The following EPS8 variants were observed in gnomAD, a reference collection of about 807,000 sequenced individuals.
The protein encoded by EPS8 is epidermal growth factor receptor kinase substrate 8.
Under a neutral mutation model 103.8 loss-of-function variants are expected in EPS8, and 42 were observed. That is an observed-to-expected ratio of 0.40 (90% CI 0.32 to 0.52). The LOEUF (loss-of-function observed/expected upper bound fraction) is 0.52, where lower values mean the gene tolerates loss of function less well. EPS8 is among the 20% of genes least tolerant of loss of function. EPS8 has a pLI of 0.40. For missense variants in EPS8, 969 were observed against 1,005.1 expected (o/e 0.96, Z 0.49); for synonymous variants, 344 against 344.6 (o/e 1.00, Z 0.02).
Position 15,714,332 on chromosome 12 carries a change from A to T in EPS8, c.-21-31360T>A, listed in dbSNP as rs981340214. Among the ~76,000 whole-genome samples the T allele has an allele frequency of 1.3e-5, 2 of 152,186 alleles. No homozygotes were observed. Among genetic ancestry groups the T allele is most frequent in the African/African-American group, 2.4e-5 (1 of 41,428 alleles). ...AAATCTGTATGTTTTATAAAACCAAATTATATTTGAATAAAGATATGGCAC... is the reference window on the plus strand; with the variant it reads ...AAATCTGTATGTTTTATAAAACCAATTTATATTTGAATAAAGATATGGCAC... On this transcript the variant is annotated intron_variant, in intron 1 of 20. Coordinates refer to ENST00000281172, the MANE Select transcript of EPS8 (RefSeq NM_004447.6). This position sits in a 1 kb window ranked among gnomAD's most constrained non-coding sequence, Gnocchi z 4.1.
In EPS8 at chr12:15,748,004, A is replaced by C. The variant is rs1355526879; in HGVS notation, c.-22+41157T>G. ...CACTGCACTCCAGCCTTGGCAACAG[A>C]GCAAGACTCCATCTCAAAATCAAAA... On this transcript the variant is annotated intron_variant, in intron 1 of 20. Coordinates refer to ENST00000281172, the MANE Select transcript of EPS8 (RefSeq NM_004447.6). This position sits in a 1 kb window ranked among gnomAD's most constrained non-coding sequence, Gnocchi z 4.8. Among the ~76,000 whole-genome samples the C allele has an allele frequency of 6.6e-6, 1 of 152,110 alleles. No individual in the cohort carries two copies. The highest frequency in any genetic ancestry group is 2.4e-5 in the African/African-American group (1 of 41,360).
chr12:15,693,663 T>G lies in EPS8; in HGVS notation c.-21-10691A>C, dbSNP rs759659725. ...AAAATCCCTTTACTGTTATTTTATTTGGAGGAAGTGAAATAAATGCATATA... is the reference window on the plus strand; with the variant it reads ...AAAATCCCTTTACTGTTATTTTATTGGGAGGAAGTGAAATAAATGCATATA... On this transcript the variant is annotated intron_variant, in intron 1 of 20. Coordinates refer to ENST00000281172, the MANE Select transcript of EPS8 (RefSeq NM_004447.6). This position sits in a 1 kb window ranked among gnomAD's most constrained non-coding sequence, Gnocchi z 5.6. Among the ~76,000 whole-genome samples, 1 of 152,166 alleles carries G rather than the reference T, an allele frequency of 6.6e-6. No individual in the cohort carries two copies. The highest frequency in any genetic ancestry group is 1.5e-5 in the Non-Finnish European group (1 of 68,032).
chr12:15,625,729 C>T (rs1332126216), intron 18 of EPS8, among the ~76,000 whole-genome samples: 2 of 152,114 alleles, frequency 1.3e-5, no homozygotes, highest in African/African-American at 4.8e-5. Flanking sequence ...CTGGACTCCC[C>T]TTCTCTGGAT....
intron 1 of EPS8, among the ~76,000 whole-genome samples, chr12:15,756,184 A>G (rs1028897430): frequency 1.3e-5 from 2 of 152,246 alleles, no homozygotes; most frequent in African/African-American, 2.4e-5. Flanking sequence ...GCAGCAAGTA[A>G]CAGGTGAAAC....
At chr12:15,656,542 G>T (rs1399884779) in intron 12 of EPS8, among the ~76,000 whole-genome samples, 3 of 151,964 alleles carry the variant, frequency 2.0e-5, no homozygotes, top group East Asian at 3.9e-4. Context: ...TCTAATTCAG[G>T]TCTTGTCTAC....
Position 15,751,272 on chromosome 12 carries a change from C to A in EPS8, c.-22+37889G>T, listed in dbSNP as rs977599730. On this transcript the variant is annotated intron_variant, in intron 1 of 20. Transcript: ENST00000281172. This position sits in a 1 kb window ranked among gnomAD's most constrained non-coding sequence, Gnocchi z 4.3. ...ACTAGCAAGGCTGAGGCAGGAGAAT[C>A]GCTTGAACCTGGGAGATAAAGGCTG... 1.3e-5 allele frequency among the ~76,000 whole-genome samples: 2 copies of A among 152,078 alleles called. No individual in the cohort carries two copies. The highest frequency in any genetic ancestry group is 4.8e-5 in the African/African-American group (2 of 41,380).
rs996829393 is a variant in EPS8 at position 15,700,600 on chromosome 12, G to C, written c.-21-17628C>G. 6.6e-6 allele frequency among the ~76,000 whole-genome samples: 1 copy of C among 151,858 alleles called. No homozygotes were observed. The highest frequency in any genetic ancestry group is 2.4e-5 in the African/African-American group (1 of 41,218). ...TTTCTACAGTCACAATTAGATAAAA[G>C]AGCCTCAATGCCAACTGAGCAGAAA... On this transcript the variant is annotated intron_variant, in intron 1 of 20. Transcript: ENST00000281172. The surrounding 1 kb of genome is among the most constrained non-coding windows in gnomAD (Gnocchi z 5.1).
Position 15,701,349 on chromosome 12 carries a change from TCA to T in EPS8, c.-21-18379_-21-18378del, listed in dbSNP as rs951512363. 3.3e-5 allele frequency among the ~76,000 whole-genome samples: 5 copies of T among 152,232 alleles called. No individual in the cohort carries two copies. The highest frequency in any genetic ancestry group is 6.5e-5 in the Admixed American group (1 of 15,286). On this transcript the variant is annotated intron_variant, in intron 1 of 20. Coordinates refer to ENST00000281172, the MANE Select transcript of EPS8 (RefSeq NM_004447.6). The surrounding 1 kb of genome is among the most constrained non-coding windows in gnomAD (Gnocchi z 5.1). ...GGGCACAGAAGTGCCTTGCTCAGTA[TCA>T]CAGTTAGTACATGGTAAAGCCTCAG... is the stretch of plus-strand genomic sequence containing the variant.
intron 18 of EPS8, among the ~76,000 whole-genome samples, chr12:15,629,065 T>A (rs1944998398): frequency 6.6e-6 from 1 of 152,246 alleles, no homozygotes; most frequent in South Asian, 2.1e-4. Context: ...TATTGTAAGA[T>A]TTTTAATATT....
chr12:15,731,838 G>GAAA lies in EPS8; in HGVS notation c.-21-48867_-21-48866insTTT, dbSNP rs1201571380. On this transcript the variant is annotated intron_variant, in intron 1 of 20. Transcript: ENST00000281172. The surrounding 1 kb of genome is among the most constrained non-coding windows in gnomAD (Gnocchi z 5.1). ...GCAGTCATATTCTGAATGAAAAACA[G>GAAA]AAGATAAAGTGTGTGTGTGCATGTG... Among the ~76,000 whole-genome samples the GAAA allele has an allele frequency of 3.3e-5, 5 of 152,144 alleles. No individual in the cohort carries two copies. Among genetic ancestry groups the GAAA allele is most frequent in the African/African-American group, 1.2e-4 (5 of 41,434 alleles).
In EPS8 at chr12:15,777,612, C is replaced by T. The variant is rs1947220341; in HGVS notation, c.-22+11549G>A. On this transcript the variant is annotated intron_variant, in intron 1 of 20. Coordinates refer to ENST00000281172, the MANE Select transcript of EPS8 (RefSeq NM_004447.6). The surrounding 1 kb of genome is among the most constrained non-coding windows in gnomAD (Gnocchi z 4.7). ...GAATGTCTCTTTTATTCAGACTTCT[C>T]TCTCCATGACTGAGATCTCACCAGG... Among the ~76,000 whole-genome samples, 1 of 152,196 alleles carries T rather than the reference C, an allele frequency of 6.6e-6. No individual in the cohort carries two copies. The highest frequency in any genetic ancestry group is 1.5e-5 in the Non-Finnish European group (1 of 68,032).
At chr12:15,648,138 C>G (rs1004601144) in intron 14 of EPS8, among the ~76,000 whole-genome samples, 3 of 152,200 alleles carry the variant, frequency 2.0e-5, no homozygotes, top group Non-Finnish European at 2.9e-5. Context: ...CAGTTTCCAA[C>G]AGGCCACGCA....
chr12:15,624,796 G>A (rs1944918348), intron 18 of EPS8, among the ~76,000 whole-genome samples: 1 of 152,132 alleles, frequency 6.6e-6, no homozygotes, highest in African/African-American at 2.4e-5. Flanking sequence ...TTAGACTGGT[G>A]GCTCTCAACT....
In EPS8 at chr12:15,714,243, G is replaced by A. The variant is rs544688004; in HGVS notation, c.-21-31271C>T. On this transcript the variant is annotated intron_variant, in intron 1 of 20. Transcript: ENST00000281172. This position sits in a 1 kb window ranked among gnomAD's most constrained non-coding sequence, Gnocchi z 4.1. ...TTTTTAATATGAAGACACCAAAAAA[G>A]TATATTTAAATTATTAAAGAAATGG... 1.9e-3 allele frequency among the ~76,000 whole-genome samples: 293 copies of A among 151,924 alleles called. 1 individual carries two copies. Among genetic ancestry groups the A allele is most frequent in the African/African-American group, 6.7e-3 (279 of 41,440 alleles).
chr12:15,710,916 T>C (rs1048576183), intron 1 of EPS8, among the ~76,000 whole-genome samples: 15 of 152,182 alleles, frequency 9.9e-5, no homozygotes, highest in Non-Finnish European at 1.9e-4. Context: ...TCGCCCTTGC[T>C]GGAGTGCAAT....
chr12:15,739,877 A>G (rs57509231), intron 1 of EPS8, among the ~76,000 whole-genome samples: 4,092 of 152,278 alleles, frequency 0.027, 179 homozygotes, highest in African/African-American at 0.094. Context: ...AGCTTTTCAA[A>G]GAAGCCTCTA....
intron 1 of EPS8, among the ~76,000 whole-genome samples, chr12:15,724,932 G>A (rs1263084074): frequency 2.0e-5 from 3 of 152,080 alleles, no homozygotes; most frequent in Non-Finnish European, 2.9e-5. Context: ...TAAGATCTCC[G>A]AAGTTCTTTT....
In EPS8 at chr12:15,702,332, G is replaced by A. The variant is rs1353474630; in HGVS notation, c.-21-19360C>T. ...AATCTATCGTTTACACAGGCGACAA[G>A]GTGAATAAAATTCTAGCACTGGAAA... On this transcript the variant is annotated intron_variant, in intron 1 of 20. Transcript: ENST00000281172. This position sits in a 1 kb window ranked among gnomAD's most constrained non-coding sequence, Gnocchi z 5.1. Among the ~76,000 whole-genome samples the A allele has an allele frequency of 6.6e-6, 1 of 152,180 alleles. No individual in the cohort carries two copies. Among genetic ancestry groups the A allele is most frequent in the Non-Finnish European group, 1.5e-5 (1 of 68,038 alleles).
intron 1 of EPS8, among the ~76,000 whole-genome samples, chr12:15,774,755 G>A (rs911057606): frequency 6.7e-6 from 1 of 150,184 alleles, no homozygotes; most frequent in Non-Finnish European, 1.5e-5. Context: ...CCAACAGGGT[G>A]GGAAAACTCA....
Sources: allele counts gnomAD v4.1 joint callset (sites outside exome capture counted in the v4.1 genomes callset), GRCh38; gene constraint gnomAD v4.1.1; non-coding constraint Gnocchi (gnomAD v3.1); transcripts MANE v1.5; gene names NCBI Gene and HGNC (gene_info 2026-07-23, HGNC 2026-07-21).